CLEC16A: variants seen among roughly 807,000 people sequenced by gnomAD.
CLEC16A encodes protein CLEC16A.
Under a neutral mutation model 109.5 loss-of-function variants are expected in CLEC16A, and 51 were observed. The ratio of observed to expected loss-of-function variants is 0.47; its 90% CI spans 0.37 to 0.59. The LOEUF (loss-of-function observed/expected upper bound fraction) is 0.59. CLEC16A is among the 20% of genes least tolerant of loss of function. CLEC16A has a pLI of 0.00. For missense variants in CLEC16A, 1,339 were observed against 1,394.0 expected (o/e 0.96, Z 0.63); for synonymous variants, 673 against 564.2 (o/e 1.19, Z -2.73).
intron 2 of CLEC16A, 106 bp from the exon 3 acceptor site, chr16:10,962,349 G>C (rs1027840199): frequency 7.2e-7 from 1 of 1,384,004 alleles, no homozygotes; most frequent in Non-Finnish European, 1.0e-6. Flanking sequence ...AGATACCTTG[G>C]GGGAGAGGGG....
At chr16:10,993,235 C>T (rs1480525310) in intron 10 of CLEC16A, among the ~76,000 whole-genome samples, 4 of 152,006 alleles carry the variant, frequency 2.6e-5, no homozygotes, top group Admixed American at 6.5e-5. Flanking sequence ...AAAAATTAAC[C>T]GGGCGTGATG....
At chr16:11,104,236 G>T (rs1189751412) in intron 19 of CLEC16A, among the ~76,000 whole-genome samples, 1 of 151,758 alleles carries the variant, frequency 6.6e-6, no homozygotes, top group African/African-American at 2.4e-5. Flanking sequence ...AGCCTTCCAA[G>T]TACCTGGGAC....
chr16:11,020,080 G>A (rs532576607), intron 11 of CLEC16A, 113 bp from the exon 12 acceptor site: 350 of 1,274,926 alleles, frequency 2.7e-4, no homozygotes, highest in Non-Finnish European at 3.5e-4. Context: ...TCGGACATGT[G>A]CTTGATGTGT....
chr16:10,972,446 T>C (rs548030285), intron 5 of CLEC16A, 108 bp from the exon 6 acceptor site: 132 of 941,632 alleles, frequency 1.4e-4, no homozygotes, highest in Non-Finnish European at 2.1e-4. Context: ...CCCACCCTAG[T>C]CTCTCTCCCT....
chr16:11,169,512 A>C (rs1269125586), intron 23 of CLEC16A, among the ~76,000 whole-genome samples: 1 of 151,994 alleles, frequency 6.6e-6, no homozygotes, highest in Non-Finnish European at 1.5e-5. Context: ...GTCTTGAACT[A>C]CTGACCTCAA....
At chr16:10,956,499 C>T (rs7193451) in intron 1 of CLEC16A, among the ~76,000 whole-genome samples, 11,086 of 152,172 alleles carry the variant, frequency 0.073, 1,370 homozygotes, top group African/African-American at 0.25. Flanking sequence ...TGAGTCACTT[C>T]CTCTTGGTGT....
In CLEC16A at chr16:11,162,956, A is replaced by G. The variant is rs114869809; in HGVS notation, c.2642-3432A>G. On this transcript the variant is annotated intron_variant, in intron 22 of 23. Transcript: ENST00000409790. ...TACACATTTTGCAGGCTGTCCTTGA[A>G]GCATACCCAGGGAGAGCCAAGACTG... Among the ~76,000 whole-genome samples, 434 of 152,316 alleles carry G rather than the reference A, an allele frequency of 2.8e-3. 1 individual carries two copies. The highest frequency in any genetic ancestry group is 0.01 in the African/African-American group (418 of 41,560).
chr16:11,116,855 T>G (rs1245498218), intron 19 of CLEC16A, among the ~76,000 whole-genome samples: 1 of 152,210 alleles, frequency 6.6e-6, no homozygotes, highest in African/African-American at 2.4e-5. Flanking sequence ...ATTCCACAAC[T>G]GGGATGTGGT....
intron 22 of CLEC16A, 129 bp from the exon 23 acceptor site, chr16:11,166,259 C>A: frequency 1.0e-6 from 1 of 1,002,840 alleles, no homozygotes; most frequent in Non-Finnish European, 1.4e-6. Flanking sequence ...CCAGTGAGGT[C>A]AGCCTGTTCC....
At chr16:11,018,870 A>C (rs2045927212) in intron 11 of CLEC16A, among the ~76,000 whole-genome samples, 1 of 151,984 alleles carries the variant, frequency 6.6e-6, no homozygotes, top group Non-Finnish European at 1.5e-5. Context: ...TCAGAGGTGG[A>C]CTGGGGCCAG....
At chr16:11,092,997 A>T (rs1406801119) in intron 19 of CLEC16A, among the ~76,000 whole-genome samples, 1 of 152,152 alleles carries the variant, frequency 6.6e-6, no homozygotes, top group East Asian at 1.9e-4. Context: ...GCCCCCATGG[A>T]GCAGGGAGGA....
In CLEC16A at chr16:11,161,059, A is replaced by T. The variant is rs369006931; in HGVS notation, c.2642-5329A>T. On this transcript the variant is annotated intron_variant, in intron 22 of 23. Coordinates refer to ENST00000409790, the MANE Select transcript of CLEC16A (RefSeq NM_015226.3). The stretch of plus-strand genomic sequence containing the variant: ...AATGGTTATTGAGAGACAGCTTACA[A>T]TATCAAGAACACTGTCCAAAACCCT... 3.9e-5 allele frequency among the ~76,000 whole-genome samples: 6 copies of T among 152,370 alleles called. No homozygotes were observed. The South Asian group carries it at 1.2e-3, about 32-fold the overall frequency.
intron 19 of CLEC16A, chr16:11,071,127 T>C (rs1327184850): frequency 6.6e-6 from 1 of 152,158 alleles, no homozygotes; most frequent in Non-Finnish European, 1.5e-5. Context: ...ATTATGAAGC[T>C]CCCCAAGCAA....
chr16:11,073,122 C>G (rs2049161343), intron 19 of CLEC16A, among the ~76,000 whole-genome samples: 1 of 152,160 alleles, frequency 6.6e-6, no homozygotes, highest in Admixed American at 6.5e-5. Flanking sequence ...ACATGAAACC[C>G]AAGAGGCAAG....
intron 19 of CLEC16A, among the ~76,000 whole-genome samples, chr16:11,075,302 C>T (rs919586769): frequency 2.0e-5 from 3 of 151,764 alleles, no homozygotes; most frequent in East Asian, 4.0e-4. Flanking sequence ...TGCAGCTGCA[C>T]CAGAGGGCTT....
rs999751409 is a variant in CLEC16A, at chr16:10,957,979, G to A, written c.209+69G>A. 13 of 1,474,708 alleles carry A rather than the reference G, an allele frequency of 8.8e-6. No homozygotes were observed. In the African/African-American group the frequency reaches 1.8e-4, roughly 21 times the overall value. 91.4% of individuals were successfully genotyped at this position (1,474,708 alleles called of 1,614,324 possible). The stretch of plus-strand genomic sequence containing the variant: ...GAATGTTTTTCTAAATGTATACTAT[G>A]AGTCATTCTGGATGATGTCAGGATT... On this transcript the variant is annotated intron_variant, in intron 2 of 23. Transcript: ENST00000409790.
At chr16:10,951,840 C>G (rs146944770) in intron 1 of CLEC16A, among the ~76,000 whole-genome samples, 1 of 152,354 alleles carries the variant, frequency 6.6e-6, no homozygotes, top group Non-Finnish European at 1.5e-5. Flanking sequence ...CAAAGATGGT[C>G]ATAGCAACAT....
rs2042766735 is a variant in CLEC16A, at chr16:10,971,125, C to T, written c.493C>T (p.His165Tyr). 6.2e-7 allele frequency: 1 copy of T among 1,607,410 alleles called. No individual in the cohort carries two copies. Residue 165 changes from histidine (H) to tyrosine (Y), a missense_variant and splice_region_variant, in exon 5 of 24, where the codon CAC becomes TAC. By Grantham distance (83) the His-to-Tyr change is moderately conservative. Transcript: ENST00000409790. Reference sequence around the variant, plus strand: ...GTTTTCGTTATTTCTTTTGTTTTAGCACACCAATGACTTTGCCCTGTACAC... The same window carrying T: ...GTTTTCGTTATTTCTTTTGTTTTAGTACACCAATGACTTTGCCCTGTACAC... The part of the protein sequence containing the change: ...NHTVHFFYNE[H>Y]TNDFALYTEA...
At position 11,012,324 on chromosome 16, in the gene CLEC16A, G is replaced by A. The variant is rs139423527; in HGVS notation, c.1304-7869G>A. 8.4e-3 allele frequency among the ~76,000 whole-genome samples: 1,278 copies of A among 152,252 alleles called. 23 individuals carry two copies. Among genetic ancestry groups the A allele is most frequent in the African/African-American group, 0.029 (1,214 of 41,568 alleles). On this transcript the variant is annotated intron_variant, in intron 11 of 23. Transcript: ENST00000409790. ...TAAGAAAGATTTATGGGCCGGGCAC[G>A]GTGGCTTACGCCTGTAATCCCAGCG... is the stretch of plus-strand genomic sequence containing the variant.
Sources: allele counts gnomAD v4.1 joint callset (sites outside exome capture counted in the v4.1 genomes callset), GRCh38; gene constraint gnomAD v4.1.1; transcripts MANE v1.5; gene names NCBI Gene and HGNC (gene_info 2026-07-23, HGNC 2026-07-21).